The following CDH13 variants were observed in gnomAD, a reference collection of about 807,000 sequenced individuals.
CDH13 encodes cadherin-13.
Under a neutral mutation model 63.8 loss-of-function variants are expected in CDH13, and 24 were observed. That is an observed-to-expected ratio of 0.38 (90% CI 0.27 to 0.53). The LOEUF (loss-of-function observed/expected upper bound fraction) is 0.53. CDH13 is among the 20% of genes least tolerant of loss of function. The pLI is 0.85. For missense variants in CDH13, 1,049 were observed against 903.1 expected (o/e 1.16, Z -2.07); for synonymous variants, 503 against 355.3 (o/e 1.42, Z -4.67).
chr16:82,720,491 C>T (rs1029333798), intron 1 of CDH13, among the ~76,000 whole-genome samples: 1 of 152,114 alleles, frequency 6.6e-6, no homozygotes, highest in Non-Finnish European at 1.5e-5. Flanking sequence ...GACATCATTC[C>T]ATCGCAGGGC....
In CDH13 at chr16:82,858,412, G is replaced by C. The variant is rs776010986; in HGVS notation, c.96G>C (p.Gln32His). ...ATTTGGACTGCACTCCTGGATTTCA[G>C]CAGAAAGTGTTCCATATCAATCAGC... Reference protein sequence around the residue: ...AEDLDCTPGFQQKVFHINQPA... With the variant: ...AEDLDCTPGFHQKVFHINQPA... The change falls in exon 2 of 14, where the codon CAG becomes CAC. Residue 32 changes from glutamine to histidine, a missense_variant. Transcript: ENST00000567109. The C allele has an allele frequency of 1.2e-6, 2 of 1,613,874 alleles. No individual in the cohort carries two copies. The highest frequency in any genetic ancestry group is 1.7e-6 in the Non-Finnish European group (2 of 1,179,774).
intron 8 of CDH13, among the ~76,000 whole-genome samples, chr16:83,621,054 C>T (rs1424106992): frequency 6.6e-6 from 1 of 152,158 alleles, no homozygotes; most frequent in African/African-American, 2.4e-5. Flanking sequence ...CTCCTGCCAG[C>T]ACTGAGACAG....
chr16:83,746,244 G>A (rs577986695), intron 10 of CDH13, among the ~76,000 whole-genome samples: 1 of 152,190 alleles, frequency 6.6e-6, no homozygotes, highest in Admixed American at 6.5e-5. Context: ...GTCTAGGGGA[G>A]GGTCCTTCCT....
chr16:83,691,726 C>G (rs1239473891), intron 10 of CDH13, among the ~76,000 whole-genome samples: 1 of 152,048 alleles, frequency 6.6e-6, no homozygotes, highest in Non-Finnish European at 1.5e-5. Context: ...CCCCAGGAGT[C>G]GAACGGACCT....
In CDH13 at chr16:83,082,474, TA is replaced by T. The variant is rs958705249; in HGVS notation, c.367-42901del. Among the ~76,000 whole-genome samples the T allele has an allele frequency of 8.7e-5, 13 of 149,080 alleles. No homozygotes were observed. The East Asian group carries it at 1.6e-3, about 18-fold the overall frequency. On this transcript the variant is annotated intron_variant, in intron 3 of 13. Transcript: ENST00000567109. ...ACCCTGTATCTACTAAAAATAAAAA[TA>T]AAAAAAAAATAGCCAGGTGTGGTGG...
chr16:83,605,443 G>A (rs867358046), intron 8 of CDH13, among the ~76,000 whole-genome samples: 59 of 152,308 alleles, frequency 3.9e-4, no homozygotes, highest in Middle Eastern at 3.4e-3. Context: ...AGGAGGGGGC[G>A]CTGGAGCCGG....
At chr16:83,536,303 G>A (rs1398740861) in intron 7 of CDH13, among the ~76,000 whole-genome samples, 2 of 152,164 alleles carry the variant, frequency 1.3e-5, no homozygotes, top group African/African-American at 2.4e-5. Flanking sequence ...AGGTAAGAGG[G>A]GGAAGACCAT....
chr16:82,856,270 G>A (rs897455865), intron 1 of CDH13, among the ~76,000 whole-genome samples: 1 of 151,586 alleles, frequency 6.6e-6, no homozygotes, highest in African/African-American at 2.4e-5. Context: ...CACTTACTCG[G>A]GAGGCTGAGG....
rs531085043 is a variant in CDH13, at chr16:82,696,903, T to C, written c.45+69766T>C. 6.5e-4 allele frequency among the ~76,000 whole-genome samples: 99 copies of C among 152,284 alleles called. 1 individual carries two copies. The highest frequency in any genetic ancestry group is 2.2e-3 in the African/African-American group (91 of 41,562). ...GGGGCTGGAAGATCTGCTTTCAAAG[T>C]GGCACCCTCACATGGCTGGTGGTAA... On this transcript the variant is annotated intron_variant, in intron 1 of 13. Coordinates refer to ENST00000567109, the MANE Select transcript of CDH13 (RefSeq NM_001257.5).
At chr16:83,226,850 G>A (rs965911667) in intron 5 of CDH13, among the ~76,000 whole-genome samples, 4 of 151,592 alleles carry the variant, frequency 2.6e-5, no homozygotes, top group Admixed American at 6.6e-5. Context: ...GCAGGGGCAC[G>A]GTGGGGGACC....
chr16:82,840,808 T>G (rs9940251), intron 1 of CDH13, among the ~76,000 whole-genome samples: 34,069 of 151,976 alleles, frequency 0.22, 4,497 homozygotes, highest in Non-Finnish European at 0.3. Context: ...TTTAATGGTG[T>G]TGGCCGTTTC....
At chr16:82,841,337 T>G (rs1163832205) in intron 1 of CDH13, among the ~76,000 whole-genome samples, 1 of 152,220 alleles carries the variant, frequency 6.6e-6, no homozygotes, top group African/African-American at 2.4e-5. Context: ...AGCCTGTGGC[T>G]GGTGTTTAAC....
intron 1 of CDH13, among the ~76,000 whole-genome samples, chr16:82,830,664 C>G (rs537677312): frequency 6.6e-6 from 1 of 152,194 alleles, no homozygotes; most frequent in Non-Finnish European, 1.5e-5. Context: ...TTTGACATGC[C>G]ATGATGGCAT....
At position 82,627,157 on chromosome 16, in the gene CDH13, G is replaced by C. The variant is rs749424720; in HGVS notation, c.45+20G>C. 1.8e-5 allele frequency: 29 copies of C among 1,597,130 alleles called. No homozygotes were observed. In the Middle Eastern group the frequency reaches 2.8e-3, roughly 155 times the overall value. On this transcript the variant is annotated intron_variant, in intron 1 of 13. Transcript: ENST00000567109. ...TCCCAGGTAGGGAAGAGGGGCTGCC[G>C]GGCGCGCTCTGCGCCCCGTTTCTGC...
At chr16:82,685,172 C>A (rs576485728) in intron 1 of CDH13, among the ~76,000 whole-genome samples, 16 of 152,276 alleles carry the variant, frequency 1.1e-4, no homozygotes, top group South Asian at 4.2e-4. Flanking sequence ...GTTTGAGCTG[C>A]TATATAAAAA....
In CDH13 at chr16:82,769,304, G is replaced by A. The variant is rs367958051; in HGVS notation, c.46-89058G>A. Among the ~76,000 whole-genome samples, 18 of 152,278 alleles carry A rather than the reference G, an allele frequency of 1.2e-4. No homozygotes were observed. The East Asian group carries it at 2.3e-3, about 20-fold the overall frequency. ...ACTGTTATTTGGTGCCGTGGCAGAA[G>A]AATATTGACAAGTCACAGTGCAATC... On this transcript the variant is annotated intron_variant, in intron 1 of 13. Transcript: ENST00000567109.
At chr16:83,035,826 G>A (rs181539011) in intron 3 of CDH13, among the ~76,000 whole-genome samples, 102 of 152,264 alleles carry the variant, frequency 6.7e-4, no homozygotes, top group African/African-American at 2.3e-3. Context: ...AGACTTGTTT[G>A]GATCTTCCTG....
At chr16:83,484,995 C>G (rs2073854136) in intron 6 of CDH13, among the ~76,000 whole-genome samples, 1 of 152,188 alleles carries the variant, frequency 6.6e-6, no homozygotes, top group Admixed American at 6.6e-5. Flanking sequence ...CAGGAATGTT[C>G]TCTTCTGGTG....
intron 1 of CDH13, among the ~76,000 whole-genome samples, chr16:82,769,140 C>T (rs2035167982): frequency 6.6e-6 from 1 of 152,110 alleles, no homozygotes; most frequent in South Asian, 2.1e-4. Flanking sequence ...TCTAAACAGA[C>T]CCATCATGTC....
Sources: allele counts gnomAD v4.1 joint callset (sites outside exome capture counted in the v4.1 genomes callset), GRCh38; gene constraint gnomAD v4.1.1; transcripts MANE v1.5; gene names NCBI Gene and HGNC (gene_info 2026-07-23, HGNC 2026-07-21).